C2: variants seen among roughly 807,000 people sequenced by gnomAD.
C2 encodes complement C2.
C2 carries 64 observed loss-of-function variants against 85.2 expected under a neutral mutation model. That is an observed-to-expected ratio of 0.75 (90% CI 0.61 to 0.92). The LOEUF (loss-of-function observed/expected upper bound fraction) is 0.92, where lower values mean the gene tolerates loss of function less well. Ranked by LOEUF, C2 falls within the 40% of genes least tolerant of loss-of-function variation. The pLI is 0.00. For synonymous variants in C2, 311 were observed against 370.8 expected, an observed-to-expected ratio of 0.84 and a Z score of 1.85; for missense variants, 820 against 971.6, an observed-to-expected ratio of 0.84 and a Z score of 2.07.
At chr6:31,934,324 A>G (rs1434452065) in intron 6 of C2, 25 bp downstream of exon 6, 2 of 1,613,922 alleles carry the variant, frequency 1.2e-6, no homozygotes, top group South Asian at 2.2e-5. Context: ...GTCTGCCTGC[A>G]GCAGAGGCCT....
intron 3 of C2, among the ~76,000 whole-genome samples, chr6:31,930,736 T>C (rs1396123086): frequency 6.6e-6 from 1 of 152,166 alleles, no homozygotes; most frequent in African/African-American, 2.4e-5. Flanking sequence ...ACTCATGCCC[T>C]TGGGTTTTGG....
At chr6:31,937,789 G>A (rs1287019501) in intron 8 of C2, among the ~76,000 whole-genome samples, 1 of 151,570 alleles carries the variant, frequency 6.6e-6, no homozygotes, top group Non-Finnish European at 1.5e-5. Context: ...GATCACTTGA[G>A]GTTAGGAGTT....
In C2 at chr6:31,945,325, CT is replaced by C; in HGVS notation, c.2228del (p.Leu743ArgfsTer5). On this transcript the variant is annotated frameshift_variant, in exon 18 of 18. Coordinates refer to ENST00000299367, the MANE Select transcript of C2 (RefSeq NM_000063.6). LOFTEE classifies it high-confidence loss of function. This position sits in a 1 kb window ranked among gnomAD's most constrained non-coding sequence, Gnocchi z 5.3. ...FRMQPWLRQH[L>X]GDVLNFLPL Reference sequence around the variant, plus strand: ...CATGCAGCCCTGGCTGAGGCAGCACCTGGGGGATGTCCTGAATTTTTTACCC... The same window carrying C: ...CATGCAGCCCTGGCTGAGGCAGCACCGGGGGATGTCCTGAATTTTTTACCC... 6.2e-7 allele frequency: 1 copy of C among 1,613,020 alleles called. No individual in the cohort carries two copies. Among genetic ancestry groups the C allele is most frequent in the Non-Finnish European group, 8.5e-7 (1 of 1,180,016 alleles).
intron 9 of C2, among the ~76,000 whole-genome samples, chr6:31,940,857 C>T (rs1193198750): frequency 6.6e-6 from 1 of 152,256 alleles, no homozygotes; most frequent in Non-Finnish European, 1.5e-5. Context: ...GCCAGATTGC[C>T]TCCTGGCTGA....
At chr6:31,919,067 C>T (rs1303331757), upstream of C2, among the ~76,000 whole-genome samples, 2 of 151,804 alleles carry the variant, frequency 1.3e-5, no homozygotes, top group African/African-American at 4.8e-5. Context: ...CAAAATAAAA[C>T]TTAATCTGCA....
chr6:31,909,114 G>T (rs932491213), intron 1 of C2, among the ~76,000 whole-genome samples: 1 of 151,844 alleles, frequency 6.6e-6, no homozygotes, highest in Non-Finnish European at 1.5e-5. Context: ...TACATGTTCT[G>T]GGGCTGGCCT....
chr6:31,944,715 C>A lies in C2; in HGVS notation c.1903-12C>A. The A allele has an allele frequency of 6.2e-7, 1 of 1,613,044 alleles. No individual in the cohort carries two copies. The highest frequency in any genetic ancestry group is 8.5e-7 in the Non-Finnish European group (1 of 1,180,024). On this transcript the variant is annotated splice_polypyrimidine_tract_variant and intron_variant, in intron 15 of 17. Coordinates refer to ENST00000299367, the MANE Select transcript of C2 (RefSeq NM_000063.6). The surrounding 1 kb of genome is among the most constrained non-coding windows in gnomAD (Gnocchi z 5.1). ...TATTCTACCCTTCTCTCTGGTTCCA[C>A]CCCTGCTGCAGTGGACAAGCTGTGC...
At chr6:31,906,494 A>G (rs1767723111) in intron 1 of C2, among the ~76,000 whole-genome samples, 1 of 151,346 alleles carries the variant, frequency 6.6e-6, no homozygotes, top group African/African-American at 2.4e-5. Flanking sequence ...TCCTCCACAC[A>G]CCCTTGCTGA....
upstream of C2, among the ~76,000 whole-genome samples, chr6:31,917,292 T>C (rs1463771448): frequency 1.3e-5 from 2 of 152,030 alleles, no homozygotes; most frequent in Admixed American, 1.3e-4. Flanking sequence ...TAAATAGTTT[T>C]GCAGCCATAA....
At chr6:31,901,203 C>T in intron 1 of C2, 1 of 1,613,474 alleles carries the variant, frequency 6.2e-7, no homozygotes, top group Non-Finnish European at 8.5e-7. Context: ...ACAATGGTCA[C>T]GTCGCAGAAC....
At chr6:31,936,091 G>A in intron 7 of C2, 30 bp downstream of exon 7, 1 of 1,611,188 alleles carries the variant, frequency 6.2e-7, no homozygotes, top group Non-Finnish European at 8.5e-7. Flanking sequence ...ATGGTGATGA[G>A]AGAGGAGAAG....
Position 31,927,877 on chromosome 6 carries a change from C to CA in C2, c.47-77dup. 1 of 1,585,292 alleles carries CA rather than the reference C, an allele frequency of 6.3e-7. No individual in the cohort carries two copies. Among genetic ancestry groups the CA allele is most frequent in the South Asian group, 1.1e-5 (1 of 90,526 alleles). On this transcript the variant is annotated intron_variant, in intron 1 of 17. Coordinates refer to ENST00000299367, the MANE Select transcript of C2 (RefSeq NM_000063.6). The surrounding 1 kb of genome is among the most constrained non-coding windows in gnomAD (Gnocchi z 4.7). ...CCAGCTTGAATTCCCATGTGTGAAA[C>CA]AGTCTCTTTTGCTTTCCTTTTCTCA...
At chr6:31,911,606 G>A (rs895048507) in intron 1 of C2, among the ~76,000 whole-genome samples, 2 of 151,632 alleles carry the variant, frequency 1.3e-5, no homozygotes, top group African/African-American at 2.4e-5. Flanking sequence ...TCTGGGTGGG[G>A]CCTGAGATTC....
rs10947223 is a variant in C2 at position 31,904,606 on chromosome 6, G to A, written c.73+3467G>A. 0.15 allele frequency among the ~76,000 whole-genome samples: 22,969 copies of A among 151,958 alleles called. 2,968 individuals carry two copies. Among genetic ancestry groups the A allele is most frequent in the African/African-American group, 0.34 (14,200 of 41,316 alleles). On this transcript the variant is annotated intron_variant, in intron 1 of 3. Transcript: ENST00000452202. The surrounding 1 kb of genome is among the most constrained non-coding windows in gnomAD (Gnocchi z 4.4). The stretch of plus-strand genomic sequence containing the variant: ...TGGGATTACAGGCGTGAGCCACTGC[G>A]CCTGACCCAAAAGAACTTTAAAAAT...
chr6:31,942,603 C>A (rs113133900), intron 9 of C2, among the ~76,000 whole-genome samples: 7 of 151,992 alleles, frequency 4.6e-5, no homozygotes, highest in African/African-American at 1.7e-4. Context: ...ACAGGAAGAC[C>A]AGGGAAGGCC....
intron 8 of C2, among the ~76,000 whole-genome samples, chr6:31,938,103 C>T (rs1770569981): frequency 6.6e-6 from 1 of 152,108 alleles, no homozygotes. Flanking sequence ...GTCCTCCTTT[C>T]CTTACACAAT....
At chr6:31,899,088 T>C (rs1270868765), upstream of C2, among the ~76,000 whole-genome samples, 1 of 152,162 alleles carries the variant, frequency 6.6e-6, no homozygotes, top group Non-Finnish European at 1.5e-5. Context: ...AAGTTTTTTT[T>C]TGTTTTTTAT....
upstream of C2, chr6:31,900,411 C>A (rs1340167983): frequency 6.5e-7 from 1 of 1,548,136 alleles, no homozygotes; most frequent in Non-Finnish European, 8.7e-7. This position sits in a 1 kb window ranked among gnomAD's most constrained non-coding sequence, Gnocchi z 9.7. Context: ...ATGGCCACCG[C>A]TGCTGCTTCC....
upstream of C2, among the ~76,000 whole-genome samples, chr6:31,919,145 T>TTTTCTTTTC (rs990471869): frequency 1.8e-5 from 2 of 113,258 alleles, no homozygotes; most frequent in African/African-American, 7.7e-5. Context: ...TTTTCTTTTC[T>TTTTCTTTTC]TTTTTTTTTT....
Sources: gnomAD v4.1 joint callset for allele counts (sites outside exome capture counted in the v4.1 genomes callset) on GRCh38, gnomAD v4.1.1 for gene constraint, Gnocchi (gnomAD v3.1) non-coding constraint, MANE v1.5 for transcripts, NCBI Gene and HGNC (gene_info 2026-07-23, HGNC 2026-07-21) for gene names.